The following CFAP54 variants were observed in gnomAD, a reference collection of about 807,000 sequenced individuals.
CFAP54 encodes cilia- and flagella-associated protein 54.
Under a neutral mutation model 370.4 loss-of-function variants are expected in CFAP54, and 290 were observed. The observed-to-expected ratio is 0.78, with a 90% CI of 0.71 to 0.86. The LOEUF is 0.86. CFAP54 is among the 40% of genes least tolerant of loss of function. The pLI, the probability that CFAP54 is intolerant of heterozygous loss-of-function variation, is 0.00. For synonymous variants in CFAP54, 1,206 were observed against 1,236.5 expected (o/e 0.98, Z 0.52); for missense variants, 3,399 against 3,528.7 (o/e 0.96, Z 0.93).
Position 96,791,912 on chromosome 12 carries a change from C to T in CFAP54, c.8680-417C>T, listed in dbSNP as rs890744961. ...TCGCCCAATCTGGAGTGCAGTGGCACGATCTCAGCTCACTGCAACCTCTGC... is the reference window on the plus strand; with the variant it reads ...TCGCCCAATCTGGAGTGCAGTGGCATGATCTCAGCTCACTGCAACCTCTGC... On this transcript the variant is annotated intron_variant, in intron 62 of 67. Coordinates refer to ENST00000524981, the MANE Select transcript of CFAP54 (RefSeq NM_001306084.2). 2.0e-5 allele frequency among the ~76,000 whole-genome samples: 3 copies of T among 150,696 alleles called. No homozygotes were observed. The East Asian group carries it at 5.8e-4, about 29-fold the overall frequency.
At chr12:96,526,196 C>A (rs1431679555) in intron 8 of CFAP54, among the ~76,000 whole-genome samples, 1 of 152,172 alleles carries the variant, frequency 6.6e-6, no homozygotes, top group Non-Finnish European at 1.5e-5. Context: ...CTAGAAAAGC[C>A]TACTAAAACT....
At chr12:96,819,261 A>AT (rs1959006732) in intron 65 of CFAP54, among the ~76,000 whole-genome samples, 3 of 152,220 alleles carry the variant, frequency 2.0e-5, no homozygotes, top group Non-Finnish European at 4.4e-5. Context: ...GGTGGGTGGC[A>AT]CATTCATCAT....
chr12:96,569,360 AG>A (rs1177874137), intron 19 of CFAP54, among the ~76,000 whole-genome samples: 1 of 152,234 alleles, frequency 6.6e-6, no homozygotes, highest in African/African-American at 2.4e-5. Context: ...TCTTGAGTAG[AG>A]GGATACAAAG....
intron 67 of CFAP54, among the ~76,000 whole-genome samples, chr12:96,865,708 G>A (rs1959983444): frequency 6.6e-6 from 1 of 152,002 alleles, no homozygotes; most frequent in Non-Finnish European, 1.5e-5. Context: ...CATCTTGTTG[G>A]TTGGCAAGCT....
chr12:96,652,162 G>T (rs1956866804), intron 36 of CFAP54, among the ~76,000 whole-genome samples: 1 of 152,202 alleles, frequency 6.6e-6, no homozygotes, highest in South Asian at 2.1e-4. Context: ...GATGTGATCA[G>T]CTGGTCTTTA....
chr12:96,671,968 A>AAG (rs145541657), intron 39 of CFAP54, among the ~76,000 whole-genome samples: 9 of 150,128 alleles, frequency 6.0e-5, no homozygotes, highest in African/African-American at 1.2e-4. Flanking sequence ...GAAAGAAAGA[A>AAG]AGAGAGAGAG....
At chr12:96,500,712 C>T in intron 1 of CFAP54, 122 bp from the exon 2 acceptor site, 1 of 546,082 alleles carries the variant, frequency 1.8e-6, no homozygotes, top group Non-Finnish European at 3.2e-6. Flanking sequence ...AATAATTGGA[C>T]ATTAACAATA....
Position 96,621,582 on chromosome 12 carries a change from T to C in CFAP54, c.3640-8T>C, listed in dbSNP as rs1298142187. 7.0e-7 allele frequency: 1 copy of C among 1,438,116 alleles called. No individual in the cohort carries two copies. Among genetic ancestry groups the C allele is most frequent in the Non-Finnish European group, 9.2e-7 (1 of 1,081,576 alleles). The allele number at this position is 1,438,116 out of a possible 1,614,324, so 89.1% of individuals were successfully genotyped here. On this transcript the variant is annotated splice_region_variant and splice_polypyrimidine_tract_variant and intron_variant, in intron 26 of 67. Transcript: ENST00000524981. ...CAACAGAGATAATTAATAAATATTT[T>C]AAATTAGATTCTTCGTTCATGGAGG...
intron 50 of CFAP54, among the ~76,000 whole-genome samples, chr12:96,726,874 T>C (rs1303859439): frequency 2.0e-5 from 3 of 151,770 alleles, no homozygotes; most frequent in South Asian, 4.2e-4. Flanking sequence ...TGGTATGTTG[T>C]GTCTTTGTTC....
At chr12:96,604,363 T>C (rs2136447922) in intron 26 of CFAP54, among the ~76,000 whole-genome samples, 1 of 152,302 alleles carries the variant, frequency 6.6e-6, no homozygotes, top group African/African-American at 2.4e-5. Flanking sequence ...TTGAGGTGTC[T>C]GTTGGCCCTA....
At chr12:96,826,953 A>G (rs549453077) in intron 65 of CFAP54, among the ~76,000 whole-genome samples, 23 of 128,822 alleles carry the variant, frequency 1.8e-4, no homozygotes, top group Non-Finnish European at 2.8e-4. Flanking sequence ...GTATGATTAT[A>G]TATAATATGC....
chr12:96,787,525 G>A (rs1958640832), intron 62 of CFAP54, among the ~76,000 whole-genome samples: 2 of 152,166 alleles, frequency 1.3e-5, no homozygotes, highest in Non-Finnish European at 2.9e-5. Context: ...GTCTTGAATA[G>A]CAGTAGTTTG....
intron 32 of CFAP54, among the ~76,000 whole-genome samples, chr12:96,642,788 C>T (rs1178639528): frequency 1.3e-5 from 2 of 152,206 alleles, no homozygotes; most frequent in Non-Finnish European, 2.9e-5. Flanking sequence ...AGCTCTGTCT[C>T]TGTCTCTTGG....
At chr12:96,814,619 T>C (rs1958957749) in intron 64 of CFAP54, among the ~76,000 whole-genome samples, 1 of 152,246 alleles carries the variant, frequency 6.6e-6, no homozygotes, top group South Asian at 2.1e-4. Context: ...ACACGTACCA[T>C]GGCAGTTTGC....
chr12:96,785,806 A>C (rs1023868847), intron 61 of CFAP54, among the ~76,000 whole-genome samples: 1 of 152,176 alleles, frequency 6.6e-6, no homozygotes. Flanking sequence ...ACCAGCCTGC[A>C]GACAGGGTTT....
At chr12:96,850,420 C>T (rs1483112611) in intron 66 of CFAP54, among the ~76,000 whole-genome samples, 3 of 151,636 alleles carry the variant, frequency 2.0e-5, no homozygotes, top group South Asian at 2.1e-4. Context: ...GAAGCAGGAG[C>T]GTTTCATGGA....
chr12:96,763,245 T>C (rs771833244), intron 58 of CFAP54, among the ~76,000 whole-genome samples: 1 of 152,094 alleles, frequency 6.6e-6, no homozygotes, highest in African/African-American at 2.4e-5. Context: ...ATTTTTAAAA[T>C]ATATATTCAT....
At chr12:96,719,680 C>G (rs149202038) in intron 49 of CFAP54, among the ~76,000 whole-genome samples, 2 of 152,202 alleles carry the variant, frequency 1.3e-5, no homozygotes, top group African/African-American at 4.8e-5. Flanking sequence ...GCTCAATGCA[C>G]GTATTCCCAG....
Position 96,638,516 on chromosome 12 carries a change from G to C in CFAP54, c.4317-5662G>C, listed in dbSNP as rs1956687852. 2.0e-5 allele frequency among the ~76,000 whole-genome samples: 3 copies of C among 151,958 alleles called. No individual in the cohort carries two copies. The South Asian group carries it at 6.2e-4, about 32-fold the overall frequency. Reference sequence around the variant, plus strand: ...GCCTCTCAAAGTGCTGGGATTACAGGCATGAGCCACTGCACCTGGCCTGCA... The same window carrying C: ...GCCTCTCAAAGTGCTGGGATTACAGCCATGAGCCACTGCACCTGGCCTGCA... On this transcript the variant is annotated intron_variant, in intron 32 of 67. Coordinates refer to ENST00000524981, the MANE Select transcript of CFAP54 (RefSeq NM_001306084.2).
Sources: gnomAD v4.1 joint callset for allele counts (sites outside exome capture counted in the v4.1 genomes callset) on GRCh38, gnomAD v4.1.1 for gene constraint, MANE v1.5 for transcripts, NCBI Gene and HGNC (gene_info 2026-07-23, HGNC 2026-07-21) for gene names.